Variants in PPM1L observed in about 807,000 individuals in gnomAD.
The protein encoded by PPM1L is protein phosphatase 1L.
PPM1L carries 13 observed loss-of-function variants against 31.4 expected under a neutral mutation model. The ratio of observed to expected loss-of-function variants is 0.41; its 90% CI spans 0.27 to 0.66. The LOEUF (loss-of-function observed/expected upper bound fraction) is 0.66, where lower values mean the gene tolerates loss of function less well. PPM1L is among the 30% of genes least tolerant of loss of function. The pLI, the probability that PPM1L is intolerant of heterozygous loss-of-function variation, is 0.29. For missense variants in PPM1L, 326 were observed against 453.7 expected (o/e 0.72, Z 2.56); for synonymous variants, 184 against 175.4 (o/e 1.05, Z -0.39).
intron 1 of PPM1L, among the ~76,000 whole-genome samples, chr3:160,923,201 C>T (rs763901281): frequency 1.3e-5 from 2 of 152,094 alleles, no homozygotes; most frequent in Non-Finnish European, 2.9e-5. Flanking sequence ...ACTACTCTAC[C>T]TTTTAGGATC....
intron 1 of PPM1L, among the ~76,000 whole-genome samples, chr3:160,832,972 A>G (rs1333485040): frequency 6.6e-6 from 1 of 151,880 alleles, no homozygotes; most frequent in East Asian, 1.9e-4. Context: ...CCCTGTGTCC[A>G]TGTGTTCTCA....
intron 1 of PPM1L, among the ~76,000 whole-genome samples, chr3:160,893,613 C>T (rs115702885): frequency 0.016 from 2,484 of 152,242 alleles, 70 homozygotes; most frequent in African/African-American, 0.057. Flanking sequence ...ATTGGTCAGT[C>T]GTCCCAAAGT....
At position 161,009,026 on chromosome 3, in the gene PPM1L, G is replaced by A. The variant is rs551006979; in HGVS notation, c.574+47116G>A. On this transcript the variant is annotated intron_variant, in intron 2 of 3. Coordinates refer to ENST00000498165, the MANE Select transcript of PPM1L (RefSeq NM_139245.4). ...GGAAGGAGCCCTGGGGTGCTTTAGG[G>A]TGGGGACATAGGGAAGAAGCCGCAG... 1.2e-3 allele frequency among the ~76,000 whole-genome samples: 180 copies of A among 152,306 alleles called. 1 individual carries two copies. Among genetic ancestry groups the A allele is most frequent in the Non-Finnish European group, 2.0e-3 (133 of 68,018 alleles).
chr3:160,892,173 T>C (rs1317618571), intron 1 of PPM1L, among the ~76,000 whole-genome samples: 1 of 152,058 alleles, frequency 6.6e-6, no homozygotes, highest in African/African-American at 2.4e-5. Context: ...GGCTGGATAA[T>C]TTATAAAGAA....
chr3:160,965,207 C>T (rs549970620), intron 2 of PPM1L, among the ~76,000 whole-genome samples: 6 of 151,272 alleles, frequency 4.0e-5, no homozygotes, highest in African/African-American at 1.5e-4. Context: ...GCCGAGATCG[C>T]GCCACTGCAC....
At chr3:160,862,749 T>C (rs1430923715) in intron 1 of PPM1L, among the ~76,000 whole-genome samples, 1 of 151,380 alleles carries the variant, frequency 6.6e-6, no homozygotes, top group African/African-American at 2.4e-5. Context: ...TGAGTTTCAA[T>C]TTTCAATGAC....
Position 160,801,882 on chromosome 3 carries a change from T to C in PPM1L, c.399+45175T>C, listed in dbSNP as rs114181677. 7.0e-3 allele frequency among the ~76,000 whole-genome samples: 1,064 copies of C among 152,300 alleles called. 10 individuals are homozygous for C. The highest frequency in any genetic ancestry group is 0.025 in the African/African-American group (1,029 of 41,566). On this transcript the variant is annotated intron_variant, in intron 1 of 3. Coordinates refer to ENST00000498165, the MANE Select transcript of PPM1L (RefSeq NM_139245.4). ...TCGTTTCATACATAGTTTGAACTTA[T>C]ATAGTCATTTCCAGCATTCCTTCCT...
chr3:160,783,437 T>C (rs1306217682), intron 1 of PPM1L, among the ~76,000 whole-genome samples: 2 of 151,706 alleles, frequency 1.3e-5, no homozygotes, highest in African/African-American at 4.8e-5. Flanking sequence ...CCATATCTAC[T>C]AAAAATACAA....
chr3:160,880,439 G>A (rs924146162), intron 1 of PPM1L, among the ~76,000 whole-genome samples: 5 of 152,046 alleles, frequency 3.3e-5, no homozygotes, highest in Non-Finnish European at 7.4e-5. Context: ...TGCTGATTGA[G>A]TATATATATA....
intron 1 of PPM1L, among the ~76,000 whole-genome samples, chr3:160,774,550 G>T (rs1711516409): frequency 6.6e-6 from 1 of 152,076 alleles, no homozygotes; most frequent in Non-Finnish European, 1.5e-5. Context: ...GAAATTTTGG[G>T]TTCTCATAAT....
intron 2 of PPM1L, among the ~76,000 whole-genome samples, chr3:160,970,594 CAT>C (rs1716298296): frequency 6.6e-6 from 1 of 151,368 alleles, no homozygotes; most frequent in African/African-American, 2.4e-5. Context: ...GGACTACAGG[CAT>C]GTGCAACCAC....
chr3:161,045,401 C>G (rs1430987312), intron 2 of PPM1L, among the ~76,000 whole-genome samples: 1 of 152,144 alleles, frequency 6.6e-6, no homozygotes, highest in African/African-American at 2.4e-5. Flanking sequence ...TGTAAAAGAA[C>G]AGAAATTATA....
intron 2 of PPM1L, among the ~76,000 whole-genome samples, chr3:160,967,975 C>T (rs1251855985): frequency 1.3e-5 from 2 of 152,042 alleles, no homozygotes; most frequent in Admixed American, 1.3e-4. Context: ...CTTCCTGTAG[C>T]TATGGCTTTT....
intron 1 of PPM1L, among the ~76,000 whole-genome samples, chr3:160,771,256 C>T (rs1425166956): frequency 6.6e-6 from 1 of 151,612 alleles, no homozygotes; most frequent in African/African-American, 2.4e-5. Context: ...CTTTCCGGAA[C>T]TTTTCTTTTC....
intron 1 of PPM1L, among the ~76,000 whole-genome samples, chr3:160,909,386 T>C (rs1181090243): frequency 6.6e-6 from 1 of 152,116 alleles, no homozygotes; most frequent in Non-Finnish European, 1.5e-5. Flanking sequence ...AGCTGTTACC[T>C]AAGAGACAGT....
chr3:160,938,192 C>T (rs529713991), intron 1 of PPM1L, among the ~76,000 whole-genome samples: 1 of 152,274 alleles, frequency 6.6e-6, no homozygotes, highest in African/African-American at 2.4e-5. Context: ...TTCATTGTCC[C>T]TAATGTGACA....
intron 1 of PPM1L, among the ~76,000 whole-genome samples, chr3:160,939,128 T>G (rs1185301672): frequency 6.6e-6 from 1 of 152,238 alleles, no homozygotes; most frequent in African/African-American, 2.4e-5. Context: ...TCAATAAATA[T>G]TAGCTATTGC....
Position 160,933,141 on chromosome 3 carries a change from A to G in PPM1L, c.400-28595A>G, listed in dbSNP as rs376586828. On this transcript the variant is annotated intron_variant, in intron 1 of 3. Coordinates refer to ENST00000498165, the MANE Select transcript of PPM1L (RefSeq NM_139245.4). Reference sequence around the variant, plus strand: ...TCTGTACTTGTTTTCTGATAAAATCATAATTTCTTAGATAAAATTGCCTTG... The same window carrying G: ...TCTGTACTTGTTTTCTGATAAAATCGTAATTTCTTAGATAAAATTGCCTTG... Among the ~76,000 whole-genome samples, 131 of 152,344 alleles carry G rather than the reference A, an allele frequency of 8.6e-4. 1 individual carries two copies. In the South Asian group the frequency reaches 9.3e-3, roughly 11 times the overall value.
At chr3:160,872,532 G>C (rs1237935211) in intron 1 of PPM1L, among the ~76,000 whole-genome samples, 1 of 152,094 alleles carries the variant, frequency 6.6e-6, no homozygotes, top group Non-Finnish European at 1.5e-5. Context: ...ATATAACAGG[G>C]AACAAACCAG....
Sources: allele counts gnomAD v4.1 joint callset (sites outside exome capture counted in the v4.1 genomes callset), GRCh38; gene constraint gnomAD v4.1.1; transcripts MANE v1.5; gene names NCBI Gene and HGNC (gene_info 2026-07-23, HGNC 2026-07-21).